The following NEDD4L variants were observed in gnomAD, a reference collection of about 807,000 sequenced individuals.
The protein encoded by NEDD4L is NEDD4 like E3 ubiquitin protein ligase, also known as E3 ubiquitin-protein ligase NEDD4-like.
In NEDD4L, 54 loss-of-function variants were observed where a neutral mutation model predicts 148.9. The observed-to-expected ratio is 0.36, with a 90% CI of 0.29 to 0.45. The LOEUF (loss-of-function observed/expected upper bound fraction) is 0.45. Among genes scored for constraint, NEDD4L ranks in the 20% least tolerant of loss-of-function variants. The pLI, the probability that NEDD4L is intolerant of heterozygous loss-of-function variation, is 1.00. For missense variants in NEDD4L, 856 were observed against 1,233.8 expected (o/e 0.69, Z 4.59); for synonymous variants, 433 against 440.7 (o/e 0.98, Z 0.22).
In NEDD4L at chr18:58,396,180, G is replaced by A. The variant is rs1251263482; in HGVS notation, c.2839G>A (p.Asp947Asn). ...PRAHTCFNRL[D>N]LPPYETFEDL... ...TTCCTTTTGCAGCTTTAATCGCCTTGACTTACCTCCATATGAAACCTTTGA... is the reference window on the plus strand; with the variant it reads ...TTCCTTTTGCAGCTTTAATCGCCTTAACTTACCTCCATATGAAACCTTTGA... The change falls in exon 31 of 31, where the codon GAC becomes AAC. Residue 947 changes from aspartate (D) to asparagine (N), a missense_variant. Coordinates refer to ENST00000400345, the MANE Select transcript of NEDD4L (RefSeq NM_001144967.3). 6.2e-7 allele frequency: 1 copy of A among 1,612,808 alleles called. No homozygotes were observed. Among genetic ancestry groups the A allele is most frequent in the Non-Finnish European group, 8.5e-7 (1 of 1,179,202 alleles).
At chr18:58,365,431 A>G (rs17064879) in intron 20 of NEDD4L, among the ~76,000 whole-genome samples, 1,905 of 152,294 alleles carry the variant, frequency 0.013, 41 homozygotes, top group African/African-American at 0.044. Flanking sequence ...CAGTTGCCAC[A>G]ACCTTGGTCA....
chr18:58,299,418 G>A (rs900020332), intron 5 of NEDD4L, among the ~76,000 whole-genome samples: 3 of 152,220 alleles, frequency 2.0e-5, no homozygotes, highest in African/African-American at 7.2e-5. Flanking sequence ...TTTCTTGGCT[G>A]CTAGACAACA....
At chr18:58,324,904 AAGG>A (rs1202216180) in intron 8 of NEDD4L, 89 bp from the exon 9 acceptor site, 2 of 1,216,906 alleles carry the variant, frequency 1.6e-6, no homozygotes, top group African/African-American at 3.0e-5. Context: ...GCCCCAGAGC[AAGG>A]AGAAGGGCAT....
chr18:58,266,433 A>G (rs1273816790), intron 5 of NEDD4L, among the ~76,000 whole-genome samples: 1 of 152,156 alleles, frequency 6.6e-6, no homozygotes, highest in Non-Finnish European at 1.5e-5. Context: ...TTAGTGATTC[A>G]TGTAAGTTCT....
intron 1 of NEDD4L, among the ~76,000 whole-genome samples, chr18:58,056,203 C>T (rs1007359132): frequency 2.6e-5 from 4 of 152,154 alleles, no homozygotes; most frequent in South Asian, 2.1e-4. Context: ...ATGTTGCAGT[C>T]GATATGTGTT....
At chr18:58,080,456 T>C (rs146833161) in intron 1 of NEDD4L, among the ~76,000 whole-genome samples, 101 of 152,340 alleles carry the variant, frequency 6.6e-4, no homozygotes, top group African/African-American at 2.4e-3. Flanking sequence ...GAGATCCTTA[T>C]TCCCTAGAGA....
chr18:58,205,627 T>C (rs2041908368), intron 2 of NEDD4L, among the ~76,000 whole-genome samples: 2 of 151,764 alleles, frequency 1.3e-5, no homozygotes, highest in Non-Finnish European at 2.9e-5. Flanking sequence ...AGAAAACATG[T>C]AGGAAGGCGG....
chr18:58,256,310 C>A lies in NEDD4L; in HGVS notation c.297+4256C>A. 8.1e-7 allele frequency: 1 copy of A among 1,231,876 alleles called. No individual in the cohort carries two copies. The highest frequency in any genetic ancestry group is 1.0e-6 in the Non-Finnish European group (1 of 987,890). 76.3% of individuals were successfully genotyped at this position (1,231,876 alleles called of 1,614,324 possible). On this transcript the variant is annotated intron_variant, in intron 5 of 30. Coordinates refer to ENST00000400345, the MANE Select transcript of NEDD4L (RefSeq NM_001144967.3). This position sits in a 1 kb window ranked among gnomAD's most constrained non-coding sequence, Gnocchi z 5.2. ...CGGCCCGGCCGCGGCAGAGCCCAGG[C>A]GCTGGTCCCTGCAGCACGTTCCAGA... is the stretch of plus-strand genomic sequence containing the variant.
At chr18:58,080,019 C>A (rs951451522) in intron 1 of NEDD4L, among the ~76,000 whole-genome samples, 1 of 152,210 alleles carries the variant, frequency 6.6e-6, no homozygotes, top group South Asian at 2.1e-4. Flanking sequence ...CCTTGAACTC[C>A]TGGGCTCGAG....
chr18:58,107,145 A>G (rs1599317600), intron 1 of NEDD4L, among the ~76,000 whole-genome samples: 2 of 152,156 alleles, frequency 1.3e-5, no homozygotes, highest in Admixed American at 1.3e-4. Flanking sequence ...CTGTAAGGAC[A>G]CAGCCATATT....
At chr18:58,103,115 A>T (rs1599289608) in intron 1 of NEDD4L, among the ~76,000 whole-genome samples, 2 of 151,936 alleles carry the variant, frequency 1.3e-5, no homozygotes, top group South Asian at 4.1e-4. Flanking sequence ...TGGACAGGAG[A>T]CTGACCTTTG....
chr18:58,111,154 G>A (rs1443666757), intron 1 of NEDD4L, among the ~76,000 whole-genome samples: 1 of 152,172 alleles, frequency 6.6e-6, no homozygotes, highest in African/African-American at 2.4e-5. Flanking sequence ...TGCAACCTCT[G>A]CCTCCTGCGT....
chr18:58,150,207 C>T (rs1342407869), intron 1 of NEDD4L, among the ~76,000 whole-genome samples: 3 of 152,194 alleles, frequency 2.0e-5, no homozygotes, highest in Admixed American at 6.5e-5. Flanking sequence ...TCTTGCTGGC[C>T]GAGCCATCAA....
At chr18:58,049,284 G>C (rs1361934006) in intron 1 of NEDD4L, among the ~76,000 whole-genome samples, 2 of 152,228 alleles carry the variant, frequency 1.3e-5, no homozygotes, top group Non-Finnish European at 2.9e-5. Context: ...TGGGGGCCTA[G>C]ATCATAGCCA....
chr18:58,155,867 TCTC>T (rs1262338688), intron 1 of NEDD4L, among the ~76,000 whole-genome samples: 1 of 152,148 alleles, frequency 6.6e-6, no homozygotes, highest in East Asian at 1.9e-4. Context: ...CATGGACTGT[TCTC>T]CTTGTCACCC....
intron 1 of NEDD4L, among the ~76,000 whole-genome samples, chr18:58,085,241 T>A (rs975078785): frequency 6.6e-6 from 1 of 152,122 alleles, no homozygotes; most frequent in Non-Finnish European, 1.5e-5. Context: ...AGGACTGATA[T>A]GAGTGGAGAT....
Position 58,256,415 on chromosome 18 carries a change from G to A in NEDD4L, c.297+4361G>A, listed in dbSNP as rs1350100983. The A allele has an allele frequency of 3.2e-6, 4 of 1,232,190 alleles. No homozygotes were observed. Among genetic ancestry groups the A allele is most frequent in the East Asian group, 6.3e-5 (2 of 31,694 alleles). The allele number at this position is 1,232,190 out of a possible 1,614,324, so 76.3% of individuals were successfully genotyped here. ...ACAAGGCGCTTCGGGGCCAGGCAGC[G>A]ACCTCAACTTTGGCTTCACGGGCAC... On this transcript the variant is annotated intron_variant, in intron 5 of 30. Transcript: ENST00000400345. The surrounding 1 kb of genome is among the most constrained non-coding windows in gnomAD (Gnocchi z 5.2).
chr18:58,154,172 A>C (rs2035163947), intron 1 of NEDD4L, among the ~76,000 whole-genome samples: 1 of 152,226 alleles, frequency 6.6e-6, no homozygotes, highest in Admixed American at 6.5e-5. Flanking sequence ...AAGGCCAAGA[A>C]AAGTTTCCTG....
intron 5 of NEDD4L, among the ~76,000 whole-genome samples, chr18:58,304,562 A>G (rs1305946949): frequency 3.9e-5 from 6 of 152,180 alleles, no homozygotes; most frequent in Non-Finnish European, 7.3e-5. Flanking sequence ...TTTCCCATGT[A>G]ATATCAATGA....
Sources: allele counts gnomAD v4.1 joint callset (sites outside exome capture counted in the v4.1 genomes callset), GRCh38; gene constraint gnomAD v4.1.1; non-coding constraint Gnocchi (gnomAD v3.1); transcripts MANE v1.5; gene names NCBI Gene and HGNC (gene_info 2026-07-23, HGNC 2026-07-21).